The following LRP12 variants were observed in gnomAD, a reference collection of about 807,000 sequenced individuals.
LRP12 encodes LDL receptor related protein 12.
A neutral mutation model predicts 66.0 loss-of-function variants in LRP12; 14 were observed. That is an observed-to-expected ratio of 0.21 (90% CI 0.14 to 0.33). LRP12 has a LOEUF of 0.33. Ranked by LOEUF, LRP12 falls within the 10% of genes least tolerant of loss-of-function variation. LRP12 has a pLI of 1.00. For synonymous variants in LRP12, 357 were observed against 359.1 expected, an observed-to-expected ratio of 0.99 and a Z score of 0.07; for missense variants, 889 against 1,053.4, an observed-to-expected ratio of 0.84 and a Z score of 2.16.
intron 2 of LRP12, among the ~76,000 whole-genome samples, chr8:104,527,969 T>A (rs1460274479): frequency 6.6e-6 from 1 of 152,216 alleles, no homozygotes; most frequent in Non-Finnish European, 1.5e-5. Flanking sequence ...TCCTATCAGG[T>A]GCTTGATACA....
intron 1 of LRP12, among the ~76,000 whole-genome samples, chr8:104,578,640 G>A (rs1235736779): frequency 6.6e-6 from 1 of 151,982 alleles, no homozygotes; most frequent in Non-Finnish European, 1.5e-5. Context: ...GAAAACATCA[G>A]GCCAATATTC....
chr8:104,531,801 G>GT (rs1431705934), intron 2 of LRP12, 106 bp downstream of exon 2: 18 of 737,766 alleles, frequency 2.4e-5, no homozygotes. Flanking sequence ...GCAAAAAGCA[G>GT]TAATAATTTT....
intron 1 of LRP12, among the ~76,000 whole-genome samples, chr8:104,586,246 CA>C (rs1446975530): frequency 6.6e-6 from 1 of 152,158 alleles, no homozygotes; most frequent in Non-Finnish European, 1.5e-5. Flanking sequence ...ACAACAGTCA[CA>C]TATCAGAGCC....
intron 6 of LRP12, 67 bp downstream of exon 6, chr8:104,495,010 A>G: frequency 6.9e-7 from 1 of 1,453,892 alleles, no homozygotes; most frequent in Non-Finnish European, 9.4e-7. Context: ...TCTTTGCTTT[A>G]TCATATATAC....
intron 1 of LRP12, among the ~76,000 whole-genome samples, chr8:104,579,507 A>G (rs183282659): frequency 6.6e-6 from 1 of 152,358 alleles, no homozygotes; most frequent in East Asian, 1.9e-4. Flanking sequence ...ATACTGCCCA[A>G]ACCAATTTAC....
intron 1 of LRP12, among the ~76,000 whole-genome samples, chr8:104,549,165 C>T (rs1243544549): frequency 2.0e-5 from 3 of 152,088 alleles, no homozygotes; most frequent in African/African-American, 7.2e-5. Context: ...AGCAAAACCA[C>T]TACTTTCTTG....
intron 1 of LRP12, among the ~76,000 whole-genome samples, chr8:104,576,090 A>C (rs533488404): frequency 6.6e-6 from 1 of 152,310 alleles, no homozygotes; most frequent in Non-Finnish European, 1.5e-5. Context: ...GAATAGGAAC[A>C]AACAAAACCT....
chr8:104,518,993 G>A, intron 2 of LRP12, among the ~76,000 whole-genome samples: 1 of 152,026 alleles, frequency 6.6e-6, no homozygotes, highest in East Asian at 1.9e-4. Context: ...GTTGGAATCT[G>A]CAAGAAAAAT....
chr8:104,524,241 CAAAAA>C (rs57379814), intron 2 of LRP12, among the ~76,000 whole-genome samples: 3 of 96,770 alleles, frequency 3.1e-5, no homozygotes, highest in African/African-American at 3.9e-5. Flanking sequence ...GACCCTGTCT[CAAAAA>C]AAAAAAAAAA....
chr8:104,523,139 AT>A (rs527267522), intron 2 of LRP12, among the ~76,000 whole-genome samples: 109 of 152,284 alleles, frequency 7.2e-4, no homozygotes, highest in African/African-American at 2.6e-3. Context: ...ATGGGTTTGA[AT>A]TGTGTAAGTC....
rs1462927720 is a variant in LRP12 at position 104,548,315 on chromosome 8, A to G, written c.80-16352T>C. Among the ~76,000 whole-genome samples, 5 of 26,886 alleles carry G rather than the reference A, an allele frequency of 1.9e-4. 1 individual carries two copies. The highest frequency in any genetic ancestry group is 1.4e-3 in the African/African-American group (5 of 3,476). The allele number at this position is 26,886 out of a possible 152,430, so 17.6% of individuals were successfully genotyped here. A position where few individuals can be genotyped will look rare whatever the true frequency, so the allele number is the denominator to read the frequency against. The stretch of plus-strand genomic sequence containing the variant: ...TATATTTATATAATATATATTATAT[A>G]AATATATAATATATATTATATAAAT... On this transcript the variant is annotated intron_variant, in intron 1 of 6. Coordinates refer to ENST00000276654, the MANE Select transcript of LRP12 (RefSeq NM_013437.5).
In LRP12 at chr8:104,497,664, T is replaced by C; in HGVS notation, c.888A>G (p.Lys296=). The change falls in exon 5 of 7, where the codon AAA becomes AAG. Residue 296 remains lysine (K), a synonymous_variant. Coordinates refer to ENST00000276654, the MANE Select transcript of LRP12 (RefSeq NM_013437.5). The surrounding 1 kb of genome is among the most constrained non-coding windows in gnomAD (Gnocchi z 4.3). The part of the protein sequence containing the change: ...TWLIDTGDHR[K]VILRFTDFKL... ...TAAAGTCAGTGAAGCGTAAAATGAC[T>C]TTACGGTGATCACCAGTGTCTATTA... is the stretch of plus-strand genomic sequence containing the variant. 1 of 1,614,164 alleles carries C rather than the reference T, an allele frequency of 6.2e-7. No individual in the cohort carries two copies. Among genetic ancestry groups the C allele is most frequent in the Non-Finnish European group, 8.5e-7 (1 of 1,180,018 alleles).
chr8:104,542,543 C>G (rs773466244), intron 1 of LRP12, among the ~76,000 whole-genome samples: 17 of 152,110 alleles, frequency 1.1e-4, no homozygotes, highest in Admixed American at 4.6e-4. Context: ...GATGCTTGTG[C>G]TTTGGTCACA....
chr8:104,512,392 A>C (rs1811012514), intron 2 of LRP12, among the ~76,000 whole-genome samples: 1 of 152,164 alleles, frequency 6.6e-6, no homozygotes, highest in African/African-American at 2.4e-5. Flanking sequence ...ACAAACATAT[A>C]AATAAACAGC....
chr8:104,579,713 T>C (rs2140899826), intron 1 of LRP12, among the ~76,000 whole-genome samples: 1 of 152,250 alleles, frequency 6.6e-6, no homozygotes, highest in East Asian at 1.9e-4. Context: ...AACTGCATGG[T>C]ACTCGTACAA....
In LRP12 at chr8:104,495,119, T is replaced by G; in HGVS notation, c.1671A>C (p.Leu557Phe). Reference protein sequence around the residue: ...PSYGQLIAQGLIPPVEDFPVC... With the variant: ...PSYGQLIAQGFIPPVEDFPVC... ...CAGGAAAATCTTCAACTGGTGGAATTAAACCCTGAGCAATCAATTGTCCAT... is the reference window on the plus strand; with the variant it reads ...CAGGAAAATCTTCAACTGGTGGAATGAAACCCTGAGCAATCAATTGTCCAT... Residue 557 changes from leucine to phenylalanine, a missense_variant, in exon 6 of 7, where the codon TTA (leucine) becomes TTC (phenylalanine). Leu to Phe is a conservative substitution (Grantham distance 22, BLOSUM62 0). Coordinates refer to ENST00000276654, the MANE Select transcript of LRP12 (RefSeq NM_013437.5). 1.2e-6 allele frequency: 2 copies of G among 1,613,846 alleles called. No homozygotes were observed. The highest frequency in any genetic ancestry group is 1.7e-6 in the Non-Finnish European group (2 of 1,179,844).
chr8:104,533,312 T>C (rs889615043), intron 1 of LRP12, among the ~76,000 whole-genome samples: 7 of 151,924 alleles, frequency 4.6e-5, no homozygotes, highest in Admixed American at 1.3e-4. Context: ...CACACAAAAA[T>C]TATAAAAACA....
At position 104,491,600 on chromosome 8, in the gene LRP12, A is replaced by C. The variant is rs1410298745; in HGVS notation, c.1714-61T>G. 4.5e-5 allele frequency: 59 copies of C among 1,316,114 alleles called. 1 individual carries two copies. The highest frequency in any genetic ancestry group is 5.7e-5 in the Non-Finnish European group (56 of 974,418). 81.5% of individuals were successfully genotyped at this position (1,316,114 alleles called of 1,614,324 possible). Reference sequence around the variant, plus strand: ...AACAAGGTACTAAGATAAAAAAAAAAAAAAACACCCTTCTATTAAGAATGT... The same window carrying C: ...AACAAGGTACTAAGATAAAAAAAAACAAAAACACCCTTCTATTAAGAATGT... On this transcript the variant is annotated intron_variant, in intron 6 of 6. Transcript: ENST00000276654.
intron 1 of LRP12, among the ~76,000 whole-genome samples, chr8:104,546,965 C>A (rs1439425686): frequency 1.4e-5 from 2 of 139,228 alleles, no homozygotes; most frequent in African/African-American, 5.4e-5. Flanking sequence ...AATTATATAT[C>A]ATATATAATT....
Sources: allele counts gnomAD v4.1 joint callset (sites outside exome capture counted in the v4.1 genomes callset), GRCh38; gene constraint gnomAD v4.1.1; non-coding constraint Gnocchi (gnomAD v3.1); transcripts MANE v1.5; gene names NCBI Gene and HGNC (gene_info 2026-07-23, HGNC 2026-07-21).